The following FER variants were observed in gnomAD, a reference collection of about 807,000 sequenced individuals.
The protein encoded by FER is FER tyrosine kinase, also known as tyrosine-protein kinase Fer.
A neutral mutation model predicts 111.0 loss-of-function variants in FER; 63 were observed. That is an observed-to-expected ratio of 0.57 (90% CI 0.46 to 0.70). FER has a LOEUF of 0.70. Among genes scored for constraint, FER ranks in the 30% least tolerant of loss-of-function variants. The pLI is 0.00. For synonymous variants in FER, 327 were observed against 313.9 expected (o/e 1.04, Z -0.44); for missense variants, 914 against 954.0 (o/e 0.96, Z 0.55).
At chr5:109,092,878 T>C (rs1256987498) in intron 16 of FER, among the ~76,000 whole-genome samples, 3 of 152,090 alleles carry the variant, frequency 2.0e-5, no homozygotes, top group Non-Finnish European at 4.4e-5. Context: ...GACAGATGAA[T>C]GGATAAAGAA....
At chr5:108,951,749 G>A (rs1757782385) in intron 11 of FER, among the ~76,000 whole-genome samples, 1 of 151,882 alleles carries the variant, frequency 6.6e-6, no homozygotes, top group African/African-American at 2.4e-5. Context: ...ATGGTTTATT[G>A]TGTAATTAAT....
intron 16 of FER, among the ~76,000 whole-genome samples, chr5:109,050,768 C>T (rs1217500833): frequency 6.6e-6 from 1 of 152,136 alleles, no homozygotes; most frequent in Non-Finnish European, 1.5e-5. Flanking sequence ...AGCACAAGTC[C>T]ATTGACACCT....
At chr5:108,819,834 GT>G in intron 3 of FER, 2 of 985,324 alleles carry the variant, frequency 2.0e-6, no homozygotes, top group Non-Finnish European at 2.4e-6. Flanking sequence ...TAAGAACTGA[GT>G]TTTAATTTTT....
chr5:109,181,428 G>A (rs921361611), intron 18 of FER, among the ~76,000 whole-genome samples: 12 of 151,986 alleles, frequency 7.9e-5, no homozygotes, highest in Middle Eastern at 3.4e-3. Flanking sequence ...ATTTTTATGC[G>A]TCATTGTAAT....
chr5:108,986,555 C>G (rs1009215961), intron 13 of FER, among the ~76,000 whole-genome samples: 2 of 152,120 alleles, frequency 1.3e-5, no homozygotes, highest in East Asian at 3.9e-4. Context: ...CTGATGTTAT[C>G]TTTTAGTATT....
chr5:108,813,033 A>G (rs1757926134), intron 3 of FER, among the ~76,000 whole-genome samples: 1 of 152,022 alleles, frequency 6.6e-6, no homozygotes, highest in Admixed American at 6.6e-5. Context: ...ATGTAGATTC[A>G]GGTTTCTAGC....
intron 17 of FER, among the ~76,000 whole-genome samples, chr5:109,176,959 C>T (rs749681360): frequency 7.2e-5 from 11 of 152,098 alleles, no homozygotes; most frequent in Non-Finnish European, 2.9e-5. Flanking sequence ...CAAATATATA[C>T]ATGTAGTACA....
chr5:109,045,620 C>T (rs1252973553), intron 15 of FER, among the ~76,000 whole-genome samples: 3 of 152,122 alleles, frequency 2.0e-5, no homozygotes, highest in African/African-American at 7.2e-5. Context: ...AATACTGTGA[C>T]ACCAGGTCTT....
intron 13 of FER, among the ~76,000 whole-genome samples, chr5:108,995,948 G>C (rs978648832): frequency 6.6e-6 from 1 of 152,108 alleles, no homozygotes; most frequent in African/African-American, 2.4e-5. Context: ...ACTTCTTAAT[G>C]ATCACCATTC....
intron 10 of FER, among the ~76,000 whole-genome samples, chr5:108,901,888 C>A (rs931992604): frequency 5.3e-5 from 8 of 152,178 alleles, no homozygotes; most frequent in Non-Finnish European, 1.2e-4. Flanking sequence ...TAGTTTGAGA[C>A]TGCAGTGTTC....
chr5:109,099,902 A>G (rs954310365), intron 16 of FER, among the ~76,000 whole-genome samples: 2 of 151,756 alleles, frequency 1.3e-5, no homozygotes, highest in African/African-American at 4.8e-5. Context: ...GGACACTGCT[A>G]TCAGTTATGT....
intron 13 of FER, among the ~76,000 whole-genome samples, chr5:109,004,015 T>C (rs1765176169): frequency 6.6e-6 from 1 of 151,810 alleles, no homozygotes; most frequent in Non-Finnish European, 1.5e-5. Context: ...AATTGTACAA[T>C]CTTTTTTTTT....
At chr5:109,002,197 G>A (rs1764872815) in intron 13 of FER, among the ~76,000 whole-genome samples, 3 of 151,804 alleles carry the variant, frequency 2.0e-5, no homozygotes, top group Admixed American at 1.3e-4. Context: ...AAAGCTGGAG[G>A]CATCACGCTA....
intron 16 of FER, among the ~76,000 whole-genome samples, chr5:109,066,983 A>C (rs1775170021): frequency 2.0e-5 from 3 of 152,206 alleles, no homozygotes; most frequent in Admixed American, 2.0e-4. Flanking sequence ...ATTTGTGTTA[A>C]GATCTGAAAG....
intron 17 of FER, among the ~76,000 whole-genome samples, chr5:109,165,228 C>T (rs1756405579): frequency 6.6e-6 from 1 of 152,162 alleles, no homozygotes; most frequent in Non-Finnish European, 1.5e-5. Context: ...CATGTTACTA[C>T]TTTCTGACAC....
chr5:109,000,700 T>C (rs915704209), intron 13 of FER, among the ~76,000 whole-genome samples: 1 of 151,550 alleles, frequency 6.6e-6, no homozygotes, highest in South Asian at 2.1e-4. Context: ...CTTCAAAAAC[T>C]CAGTGAATCC....
intron 3 of FER, among the ~76,000 whole-genome samples, chr5:108,831,169 G>A (rs1760006082): frequency 1.3e-5 from 2 of 152,132 alleles, no homozygotes; most frequent in Non-Finnish European, 2.9e-5. Context: ...TGCAAGGACT[G>A]CTACATAGAA....
At chr5:109,059,916 G>A (rs1287388844) in intron 16 of FER, among the ~76,000 whole-genome samples, 1 of 152,118 alleles carries the variant, frequency 6.6e-6, no homozygotes, top group Non-Finnish European at 1.5e-5. Flanking sequence ...TTGCCCAAAA[G>A]TAGAACCCAA....
intron 17 of FER, among the ~76,000 whole-genome samples, chr5:109,171,255 A>G (rs1757066315): frequency 6.6e-6 from 1 of 152,166 alleles, no homozygotes; most frequent in South Asian, 2.1e-4. Context: ...TGCTCAGAAA[A>G]TCAAGAACTG....
Sources: allele counts gnomAD v4.1 joint callset (sites outside exome capture counted in the v4.1 genomes callset), GRCh38; gene constraint gnomAD v4.1.1; transcripts MANE v1.5; gene names NCBI Gene and HGNC (gene_info 2026-07-23, HGNC 2026-07-21).